The following ERC1 variants were observed in gnomAD, a reference collection of about 807,000 sequenced individuals.
The protein encoded by ERC1 is RAB6 interacting protein 2.
In ERC1, 56 loss-of-function variants were observed where a neutral mutation model predicts 132.0. That is an observed-to-expected ratio of 0.42 (90% CI 0.34 to 0.53). The LOEUF is 0.53. ERC1 is among the 20% of genes least tolerant of loss of function. The pLI is 0.03. For missense variants in ERC1, 1,202 were observed against 1,349.9 expected, an observed-to-expected ratio of 0.89 and a Z score of 1.72; for synonymous variants, 478 against 476.1, an observed-to-expected ratio of 1.00 and a Z score of -0.05.
At chr12:1,390,049 G>A (rs962884057) in intron 16 of ERC1, among the ~76,000 whole-genome samples, 8 of 152,146 alleles carry the variant, frequency 5.3e-5, no homozygotes, top group African/African-American at 1.2e-4. Flanking sequence ...GAATCATAGC[G>A]GGGCTGTGTG....
rs182570936 is a variant in ERC1 at position 1,265,188 on chromosome 12, C to T, written c.2619+2023C>T. 1.1e-3 allele frequency among the ~76,000 whole-genome samples: 164 copies of T among 152,236 alleles called. 2 individuals are homozygous for T. Among genetic ancestry groups the T allele is most frequent in the African/African-American group, 3.6e-3 (150 of 41,550 alleles). ...AGGGTGGAGAGTAATTTCCTTTAAT[C>T]TTGATTTTACCCTTTTTATATTCTC... On this transcript the variant is annotated intron_variant, in intron 14 of 18. Coordinates refer to ENST00000360905, the MANE Select transcript of ERC1 (RefSeq NM_178040.4).
intron 13 of ERC1, among the ~76,000 whole-genome samples, chr12:1,262,337 G>T (rs979849118): frequency 2.6e-5 from 4 of 152,164 alleles, no homozygotes; most frequent in African/African-American, 9.7e-5. Flanking sequence ...CTTTCTGATA[G>T]ATCAACATTC....
intron 7 of ERC1, among the ~76,000 whole-genome samples, chr12:1,119,017 A>G (rs1031149674): frequency 3.3e-5 from 5 of 152,036 alleles, no homozygotes; most frequent in Non-Finnish European, 5.9e-5. Flanking sequence ...GCCAAGACTT[A>G]TAGGCATGTG....
chr12:1,116,460 A>G (rs1192260596), intron 7 of ERC1, among the ~76,000 whole-genome samples: 1 of 152,228 alleles, frequency 6.6e-6, no homozygotes, highest in Non-Finnish European at 1.5e-5. Flanking sequence ...ATAACTGTAT[A>G]TAGGAAACTG....
intron 6 of ERC1, among the ~76,000 whole-genome samples, chr12:1,114,085 G>C (rs1047856693): frequency 6.6e-6 from 1 of 151,856 alleles, no homozygotes; most frequent in Non-Finnish European, 1.5e-5. Context: ...GTGCAGTGGC[G>C]AGATCTCGGC....
In ERC1 at chr12:1,493,542, A is replaced by ATATATATATATATATATAT. The variant is rs1555139579; in HGVS notation, c.*3312_*3313insTATATATATATATATATAT. The ATATATATATATATATATAT allele has an allele frequency of 2.1e-4, 5 of 23,456 alleles. No homozygotes were observed. Among genetic ancestry groups the ATATATATATATATATATAT allele is most frequent in the East Asian group, 1.7e-3 (1 of 572 alleles). 1.5% of individuals were successfully genotyped at this position (23,456 alleles called of 1,614,324 possible). Reference sequence around the variant, plus strand: ...ACAGAGACTCCATTTAAAAAAAAAAAAAAAAAATATATATATATATATATA... The same window carrying ATATATATATATATATATAT: ...ACAGAGACTCCATTTAAAAAAAAAAATATATATATATATATATATAAAAAAATATATATATATATATATA... On this transcript the variant is annotated 3_prime_UTR_variant, in exon 19 of 19. Transcript: ENST00000360905.
At chr12:1,484,357 A>T (rs2094164269) in intron 18 of ERC1, among the ~76,000 whole-genome samples, 1 of 152,118 alleles carries the variant, frequency 6.6e-6, no homozygotes, top group African/African-American at 2.4e-5. Flanking sequence ...ACATACTTGT[A>T]CATACGTTCT....
chr12:1,464,400 A>G (rs2093700958), intron 18 of ERC1, among the ~76,000 whole-genome samples: 1 of 151,486 alleles, frequency 6.6e-6, no homozygotes, highest in African/African-American at 2.4e-5. Flanking sequence ...GATCCTTATT[A>G]CTGGTACCTA....
chr12:1,418,675 TTTCTTTCTTTCTTTC>T (rs1565396896), intron 17 of ERC1, among the ~76,000 whole-genome samples: 14 of 75,892 alleles, frequency 1.8e-4, no homozygotes, highest in African/African-American at 1.1e-3. Context: ...CTTTTCTTTC[TTTCTTTCTTTCTTTC>T]TTTCTTTCTT....
At chr12:998,684 A>G (rs926880220) in intron 1 of ERC1, among the ~76,000 whole-genome samples, 5 of 152,132 alleles carry the variant, frequency 3.3e-5, no homozygotes, top group Non-Finnish European at 7.3e-5. Flanking sequence ...TCACAATTGC[A>G]TGAATGCTGG....
At chr12:1,368,696 G>A (rs1280898564) in intron 15 of ERC1, among the ~76,000 whole-genome samples, 1 of 152,042 alleles carries the variant, frequency 6.6e-6, no homozygotes, top group East Asian at 1.9e-4. Context: ...TCAAGAGGTT[G>A]TTCTCCCTCA....
intron 16 of ERC1, among the ~76,000 whole-genome samples, chr12:1,401,664 C>G (rs1755825189): frequency 1.3e-5 from 2 of 149,740 alleles, no homozygotes; most frequent in African/African-American, 4.9e-5. Flanking sequence ...GATTAAATTA[C>G]CTAAAGCTCT....
At chr12:1,263,427 T>C (rs988598802) in intron 14 of ERC1, among the ~76,000 whole-genome samples, 1 of 152,188 alleles carries the variant, frequency 6.6e-6, no homozygotes, top group Non-Finnish European at 1.5e-5. Flanking sequence ...AATGAGTGCC[T>C]TTCAGTGCCC....
intron 3 of ERC1, among the ~76,000 whole-genome samples, chr12:1,098,757 G>A (rs1944341541): frequency 6.6e-6 from 1 of 152,232 alleles, no homozygotes; most frequent in Non-Finnish European, 1.5e-5. Context: ...TGAAATCAGA[G>A]CAGAGGGCAG....
chr12:1,328,927 T>C (rs79472822), intron 15 of ERC1, among the ~76,000 whole-genome samples: 1,479 of 126,126 alleles, frequency 0.012, 148 homozygotes, highest in African/African-American at 0.044. Flanking sequence ...GTCTTTTTCA[T>C]TCTTGGAACT....
At chr12:1,216,755 G>A (rs1369120658) in intron 12 of ERC1, among the ~76,000 whole-genome samples, 1 of 152,046 alleles carries the variant, frequency 6.6e-6, no homozygotes, top group Non-Finnish European at 1.5e-5. Context: ...AGAGTCATGG[G>A]GCTAGCAACC....
intron 4 of ERC1, among the ~76,000 whole-genome samples, chr12:1,109,727 CAA>C (rs1012665450): frequency 2.0e-5 from 3 of 152,170 alleles, no homozygotes; most frequent in African/African-American, 4.8e-5. Context: ...TCCTCCCACT[CAA>C]ATGGCTGTAA....
At chr12:1,425,739 C>G (rs569728807) in intron 17 of ERC1, among the ~76,000 whole-genome samples, 5 of 152,154 alleles carry the variant, frequency 3.3e-5, no homozygotes, top group Non-Finnish European at 7.3e-5. Flanking sequence ...TTTTCTGGCC[C>G]TAATGCACAG....
chr12:1,194,777 A>G (rs1395243523), intron 12 of ERC1, among the ~76,000 whole-genome samples: 1 of 152,224 alleles, frequency 6.6e-6, no homozygotes, highest in Non-Finnish European at 1.5e-5. Flanking sequence ...TGATTTTCAT[A>G]TAATTTAGAT....
Sources: allele counts gnomAD v4.1 joint callset (sites outside exome capture counted in the v4.1 genomes callset), GRCh38; gene constraint gnomAD v4.1.1; transcripts MANE v1.5; gene names NCBI Gene and HGNC (gene_info 2026-07-23, HGNC 2026-07-21).